The following CDH13 variants were observed in gnomAD, a reference collection of about 807,000 sequenced individuals.
CDH13 encodes cadherin 13.
In CDH13, 24 loss-of-function variants were observed where a neutral mutation model predicts 63.8. The ratio of observed to expected loss-of-function variants is 0.38; its 90% CI spans 0.27 to 0.53. CDH13 has a LOEUF of 0.53. Among genes scored for constraint, CDH13 ranks in the 20% least tolerant of loss-of-function variants. The pLI is 0.85. For synonymous variants in CDH13, 503 were observed against 355.3 expected (o/e 1.42, Z -4.67); for missense variants, 1,049 against 903.1 (o/e 1.16, Z -2.07).
At position 83,047,432 on chromosome 16, in the gene CDH13, G is replaced by A. The variant is rs1039194961; in HGVS notation, c.366+15214G>A. On this transcript the variant is annotated intron_variant, in intron 3 of 13. Coordinates refer to ENST00000567109, the MANE Select transcript of CDH13 (RefSeq NM_001257.5). This position sits in a 1 kb window ranked among gnomAD's most constrained non-coding sequence, Gnocchi z 4.9. ...CTTGTTAACAAAGCCTAGTCTGTAAGAGCGTGACCACCAGTCTTATTTACC... is the reference window on the plus strand; with the variant it reads ...CTTGTTAACAAAGCCTAGTCTGTAAAAGCGTGACCACCAGTCTTATTTACC... Among the ~76,000 whole-genome samples, 1 of 152,112 alleles carries A rather than the reference G, an allele frequency of 6.6e-6. No individual in the cohort carries two copies. Among genetic ancestry groups the A allele is most frequent in the Non-Finnish European group, 1.5e-5 (1 of 68,032 alleles).
intron 6 of CDH13, among the ~76,000 whole-genome samples, chr16:83,454,810 A>C (rs1021656741): frequency 1.3e-5 from 2 of 152,058 alleles, no homozygotes; most frequent in Non-Finnish European, 2.9e-5. Context: ...GGGTTCCAGC[A>C]ATTCTCTTGC....
chr16:83,473,214 A>G lies in CDH13; in HGVS notation c.782-13263A>G, dbSNP rs116836591. 2.7e-3 allele frequency among the ~76,000 whole-genome samples: 411 copies of G among 152,318 alleles called. 2 individuals are homozygous for G. Among genetic ancestry groups the G allele is most frequent in the African/African-American group, 9.6e-3 (401 of 41,560 alleles). On this transcript the variant is annotated intron_variant, in intron 6 of 13. Coordinates refer to ENST00000567109, the MANE Select transcript of CDH13 (RefSeq NM_001257.5). ...TCTAATTCAGTGTTATTTTATACAT[A>G]CTTTCATTGCTCGCATCAATCACAG... is the stretch of plus-strand genomic sequence containing the variant.
In CDH13 at chr16:82,647,445, G is replaced by A. The variant is rs144843119; in HGVS notation, c.45+20308G>A. 1.6e-4 allele frequency among the ~76,000 whole-genome samples: 25 copies of A among 152,190 alleles called. No homozygotes were observed. In the East Asian group the frequency reaches 4.5e-3, roughly 27 times the overall value. ...GTGGTCCAAGGGGAAGTGTAGAGGA[G>A]TGGGAAAGTGAGGCAAGGAAGGAAA... is the stretch of plus-strand genomic sequence containing the variant. On this transcript the variant is annotated intron_variant, in intron 1 of 13. Coordinates refer to ENST00000567109, the MANE Select transcript of CDH13 (RefSeq NM_001257.5).
intron 1 of CDH13, among the ~76,000 whole-genome samples, chr16:82,830,466 G>A (rs2038485369): frequency 6.6e-6 from 1 of 152,152 alleles, no homozygotes; most frequent in Non-Finnish European, 1.5e-5. Context: ...CTGGCACAAT[G>A]ACCATTTCTT....
intron 5 of CDH13, among the ~76,000 whole-genome samples, chr16:83,306,481 G>T (rs912886146): frequency 1.3e-5 from 2 of 152,116 alleles, no homozygotes; most frequent in Non-Finnish European, 2.9e-5. Flanking sequence ...ATGCCCCTTG[G>T]GTTTCATTCC....
At chr16:82,896,888 C>G (rs2041289155) in intron 2 of CDH13, among the ~76,000 whole-genome samples, 1 of 140,750 alleles carries the variant, frequency 7.1e-6, no homozygotes, top group Non-Finnish European at 1.5e-5. Flanking sequence ...TCACAGCATT[C>G]TCCTGCCTCA....
At chr16:82,798,841 T>A (rs2036712601) in intron 1 of CDH13, among the ~76,000 whole-genome samples, 1 of 152,258 alleles carries the variant, frequency 6.6e-6, no homozygotes, top group South Asian at 2.1e-4. Flanking sequence ...GGGTTCTGTG[T>A]TGAGTGCTTA....
intron 7 of CDH13, among the ~76,000 whole-genome samples, chr16:83,583,889 C>G (rs922236180): frequency 3.9e-5 from 6 of 152,032 alleles, no homozygotes; most frequent in African/African-American, 7.3e-5. Flanking sequence ...AGCACTCCAG[C>G]CTGGATGACA....
At chr16:83,629,471 T>C (rs1008318465) in intron 8 of CDH13, among the ~76,000 whole-genome samples, 2 of 152,218 alleles carry the variant, frequency 1.3e-5, no homozygotes, top group South Asian at 2.1e-4. Flanking sequence ...ATCATAATTT[T>C]AAAAACCCAG....
chr16:82,889,620 A>G (rs192016922), intron 2 of CDH13, among the ~76,000 whole-genome samples: 65 of 152,330 alleles, frequency 4.3e-4, no homozygotes, highest in African/African-American at 1.5e-3. Flanking sequence ...TGGTTGATCA[A>G]ATGTTGCATC....
rs559333955 is a variant in CDH13 at position 83,749,490 on chromosome 16, G to A, written c.1681+1240G>A. Among the ~76,000 whole-genome samples, 98 of 152,308 alleles carry A rather than the reference G, an allele frequency of 6.4e-4. 1 individual carries two copies. In the South Asian group the frequency reaches 0.011, roughly 17 times the overall value. On this transcript the variant is annotated intron_variant, in intron 11 of 13. Transcript: ENST00000567109. Reference sequence around the variant, plus strand: ...GAGGTAAGAAAAGGAAAAAATAACTGTTGTGTCTGCTATAAGTGCGTATGT... The same window carrying A: ...GAGGTAAGAAAAGGAAAAAATAACTATTGTGTCTGCTATAAGTGCGTATGT...
At chr16:83,654,500 G>C (rs374477710) in intron 8 of CDH13, among the ~76,000 whole-genome samples, 1 of 152,046 alleles carries the variant, frequency 6.6e-6, no homozygotes, top group African/African-American at 2.4e-5. Flanking sequence ...CAAGATGTCG[G>C]GATCAGGGGC....
intron 4 of CDH13, among the ~76,000 whole-genome samples, chr16:83,131,199 C>CCCCCCCCCCCCCCCCCCCCCCCA: frequency 9.6e-6 from 1 of 104,382 alleles, no homozygotes; most frequent in East Asian, 3.7e-4. Flanking sequence ...CCCCCCCCCC[C>CCCCCCCCCCCCCCCCCCCCCCCA]CCGCCCACAG....
intron 3 of CDH13, among the ~76,000 whole-genome samples, chr16:83,062,791 C>G (rs562648601): frequency 6.6e-6 from 1 of 152,226 alleles, no homozygotes; most frequent in East Asian, 1.9e-4. Context: ...TGGTTGTCAA[C>G]TGGGTCTTTC....
At chr16:82,822,770 T>C (rs796085446) in intron 1 of CDH13, among the ~76,000 whole-genome samples, 21 of 152,340 alleles carry the variant, frequency 1.4e-4, no homozygotes, top group African/African-American at 4.8e-4. Flanking sequence ...GCTGAGATTA[T>C]AGGCATAAGC....
At chr16:82,938,309 C>T (rs919641565) in intron 2 of CDH13, among the ~76,000 whole-genome samples, 4 of 152,172 alleles carry the variant, frequency 2.6e-5, no homozygotes, top group African/African-American at 4.8e-5. Context: ...TCCTACAGAG[C>T]GCTAAGCTTC....
rs1243979550 is a variant in CDH13, at chr16:83,500,261, C to CT, written c.960+13608dup. Among the ~76,000 whole-genome samples the CT allele has an allele frequency of 6.9e-3, 21 of 3,022 alleles. 1 individual carries two copies. The highest frequency in any genetic ancestry group is 8.2e-3 in the African/African-American group (19 of 2,318). 2.0% of individuals were successfully genotyped at this position (3,022 alleles called of 152,430 possible). On this transcript the variant is annotated intron_variant, in intron 7 of 13. Coordinates refer to ENST00000567109, the MANE Select transcript of CDH13 (RefSeq NM_001257.5). ...TCTTCTTCTTCTTCTTCTTCTTCTT[C>CT]TTCTTCTTCTTCTTCTTCTTCTTCT...
At chr16:83,302,072 G>A (rs887563405) in intron 5 of CDH13, among the ~76,000 whole-genome samples, 3 of 152,034 alleles carry the variant, frequency 2.0e-5, no homozygotes, top group Admixed American at 6.5e-5. Flanking sequence ...AGTGGGGATC[G>A]TCCTTACCTC....
Position 83,297,309 on chromosome 16 carries a change from T to C in CDH13, c.637-47553T>C, listed in dbSNP as rs77317871. 3.9e-3 allele frequency among the ~76,000 whole-genome samples: 598 copies of C among 152,316 alleles called. 4 individuals are homozygous for C. Among genetic ancestry groups the C allele is most frequent in the African/African-American group, 0.011 (437 of 41,562 alleles). On this transcript the variant is annotated intron_variant, in intron 5 of 13. Transcript: ENST00000567109. ...TTACCTGGATTTGATCATTATACAATGTATACATGTACCAAAAGCTCACAT... is the reference window on the plus strand; with the variant it reads ...TTACCTGGATTTGATCATTATACAACGTATACATGTACCAAAAGCTCACAT...
Sources: gnomAD v4.1 joint callset for allele counts (sites outside exome capture counted in the v4.1 genomes callset) on GRCh38, gnomAD v4.1.1 for gene constraint, Gnocchi (gnomAD v3.1) non-coding constraint, MANE v1.5 for transcripts, NCBI Gene and HGNC (gene_info 2026-07-23, HGNC 2026-07-21) for gene names.